Variants in NVL observed in about 807,000 individuals in gnomAD.
NVL encodes nuclear VCP like.
NVL carries 84 observed loss-of-function variants against 110.2 expected under a neutral mutation model. That is an observed-to-expected ratio of 0.76 (90% CI 0.64 to 0.91). The LOEUF (loss-of-function observed/expected upper bound fraction) is 0.91. Among genes scored for constraint, NVL ranks in the 40% least tolerant of loss-of-function variants. The pLI, the probability that NVL is intolerant of heterozygous loss-of-function variation, is 0.00. For missense variants in NVL, 882 were observed against 1,035.9 expected (o/e 0.85, Z 2.04); for synonymous variants, 354 against 361.1 (o/e 0.98, Z 0.22).
At chr1:224,317,662 G>T in intron 4 of NVL, 32 bp downstream of exon 4, 1 of 1,297,242 alleles carries the variant, frequency 7.7e-7, no homozygotes, top group Non-Finnish European at 1.1e-6. Flanking sequence ...AAAGTTCATG[G>T]TTTAAAAAAA....
intron 4 of NVL, among the ~76,000 whole-genome samples, chr1:224,317,435 T>C (rs981942936): frequency 1.3e-5 from 2 of 152,140 alleles, no homozygotes; most frequent in Non-Finnish European, 2.9e-5. Flanking sequence ...CAGTAACATT[T>C]CAACTGATTC....
chr1:224,267,673 C>T (rs937164371), intron 18 of NVL, among the ~76,000 whole-genome samples: 13 of 137,942 alleles, frequency 9.4e-5, no homozygotes, highest in Non-Finnish European at 1.7e-4. Flanking sequence ...GGTGACAGAG[C>T]GAGATTCTGT....
At chr1:224,227,765 G>A (rs1237086349) in intron 22 of NVL, 95 bp from the exon 23 acceptor site, 18 of 1,108,610 alleles carry the variant, frequency 1.6e-5, no homozygotes, top group East Asian at 7.7e-5. Flanking sequence ...GTCCGCACCC[G>A]CAGGACCTCA....
In NVL at chr1:224,254,700, C is replaced by A. The variant is rs181466911; in HGVS notation, c.2183-4382G>T. On this transcript the variant is annotated intron_variant, in intron 18 of 22. Transcript: ENST00000281701. ...AAAGTGGTGGGATTACAGGCGTGAG[C>A]CACTGTGCCTGGCCAACATGTGTTT... 1.6e-4 allele frequency among the ~76,000 whole-genome samples: 25 copies of A among 151,602 alleles called. No individual in the cohort carries two copies. The East Asian group carries it at 4.8e-3, about 29-fold the overall frequency.
intron 18 of NVL, among the ~76,000 whole-genome samples, chr1:224,251,461 A>G (rs920388785): frequency 1.3e-5 from 2 of 151,982 alleles, no homozygotes; most frequent in African/African-American, 4.8e-5. Context: ...AACATGGTGA[A>G]ACCCTGTGCC....
intron 16 of NVL, among the ~76,000 whole-genome samples, chr1:224,280,432 C>G (rs1666212135): frequency 6.6e-6 from 1 of 151,978 alleles, no homozygotes; most frequent in South Asian, 2.1e-4. Flanking sequence ...CCACCAATGC[C>G]CTCTGCTTCA....
intron 19 of NVL, among the ~76,000 whole-genome samples, chr1:224,248,481 C>G (rs757039376): frequency 2.0e-5 from 3 of 152,148 alleles, no homozygotes; most frequent in Non-Finnish European, 2.9e-5. Flanking sequence ...GCCCTGTTCT[C>G]CCTCCTCGGG....
chr1:224,246,033 C>CTT (rs36056911), intron 19 of NVL, among the ~76,000 whole-genome samples: 2 of 146,010 alleles, frequency 1.4e-5, no homozygotes, highest in African/African-American at 2.5e-5. Context: ...TGCCAGATGA[C>CTT]TTTTTTTTTT....
intron 13 of NVL, among the ~76,000 whole-genome samples, chr1:224,288,670 T>C (rs1054288211): frequency 2.0e-5 from 3 of 152,206 alleles, no homozygotes; most frequent in African/African-American, 7.2e-5. Flanking sequence ...AAGCCCCTGC[T>C]CTATAAAGTA....
chr1:224,298,925 A>G (rs1049434624), intron 10 of NVL, among the ~76,000 whole-genome samples: 2 of 152,202 alleles, frequency 1.3e-5, no homozygotes, highest in Admixed American at 6.5e-5. Flanking sequence ...TAAAATGGTA[A>G]ATTCTGTTAT....
chr1:224,296,550 T>C lies in NVL; in HGVS notation c.1131A>G (p.Ser377=). The C allele has an allele frequency of 4.3e-6, 7 of 1,609,776 alleles. No homozygotes were observed. Among genetic ancestry groups the C allele is most frequent in the Non-Finnish European group, 5.9e-6 (7 of 1,178,020 alleles). The change falls in exon 11 of 23, where the codon TCA becomes TCG. Residue 377 remains serine (S), a synonymous_variant. Coordinates refer to ENST00000281701, the MANE Select transcript of NVL (RefSeq NM_002533.4). The part of the protein sequence containing the change: ...DAITPKREVA[S]KDMERRIVAQ... ...CTACAATTCTTCGTTCCATATCTTT[T>C]GAAGCCACTTCTCTTTTGGGGGTAA...
At chr1:224,257,035 C>CT (rs573934358) in intron 18 of NVL, 148 of 524,034 alleles carry the variant, frequency 2.8e-4, no homozygotes, top group African/African-American at 6.8e-4. Context: ...AGACAGAATT[C>CT]TTTTTTTTTC....
chr1:224,305,345 A>G, intron 6 of NVL, 179 bp from the exon 7 acceptor site: 2 of 596,762 alleles, frequency 3.4e-6, no homozygotes, highest in Non-Finnish European at 5.7e-6. Flanking sequence ...CCTTCTCCTC[A>G]TTCCCTTAAA....
intron 20 of NVL, among the ~76,000 whole-genome samples, chr1:224,236,162 G>GA (rs1660449312): frequency 6.6e-6 from 1 of 152,194 alleles, no homozygotes; most frequent in African/African-American, 2.4e-5. Context: ...ATGTGGAGGT[G>GA]AAAATGCATC....
chr1:224,257,695 T>C (rs1663450823), intron 18 of NVL, among the ~76,000 whole-genome samples: 2 of 152,030 alleles, frequency 1.3e-5, no homozygotes, highest in African/African-American at 4.8e-5. Flanking sequence ...GCCCATTTAA[T>C]TTTGTTTTGT....
chr1:224,303,725 C>T lies in NVL; in HGVS notation c.958G>A (p.Gly320Arg), dbSNP rs546354933. The T allele has an allele frequency of 8.1e-6, 13 of 1,610,764 alleles. No individual in the cohort carries two copies. The African/African-American group carries it at 1.6e-4, about 20-fold the overall frequency. Residue 320 changes from glycine (G) to arginine (R), a missense_variant and splice_region_variant, in exon 9 of 23, where the codon GGG becomes AGG. Gly to Arg is a moderately radical substitution (Grantham distance 125, BLOSUM62 -2). Transcript: ENST00000281701. ...AAACAAATGTCAGCAAGCCTCACCC[C>T]AGCAATTGCATGTGCAAGTAATGTC... is the stretch of plus-strand genomic sequence containing the variant. Reference protein sequence around the residue: ...GKTLLAHAIAGELDLPILKVA... With the variant: ...GKTLLAHAIARELDLPILKVA...
chr1:224,227,538 G>C lies in NVL; in HGVS notation c.*88C>G. 1 of 1,185,614 alleles carries C rather than the reference G, an allele frequency of 8.4e-7. No homozygotes were observed. The highest frequency in any genetic ancestry group is 1.5e-5 in the South Asian group (1 of 68,662). The allele number at this position is 1,185,614 out of a possible 1,614,324, so 73.4% of individuals were successfully genotyped here. On this transcript the variant is annotated 3_prime_UTR_variant, in exon 23 of 23. Transcript: ENST00000281701. ...AATGTTTACATGAGGCCGCGCCTGTGTCCAGCTGAAAGTGGGTCCTTCAGA... is the reference window on the plus strand; with the variant it reads ...AATGTTTACATGAGGCCGCGCCTGTCTCCAGCTGAAAGTGGGTCCTTCAGA...
At chr1:224,317,998 A>T in intron 2 of NVL, 68 bp from the exon 3 acceptor site, 4 of 1,031,976 alleles carry the variant, frequency 3.9e-6, no homozygotes, top group Non-Finnish European at 5.8e-6. Context: ...AGTTCAATCT[A>T]AATGGATCAA....
chr1:224,302,835 A>G, intron 9 of NVL: 1 of 212,094 alleles, frequency 4.7e-6, no homozygotes, highest in Admixed American at 5.9e-5. Context: ...GGACTGCTTG[A>G]GGCCAGGAGT....
Sources: gnomAD v4.1 joint callset for allele counts (sites outside exome capture counted in the v4.1 genomes callset) on GRCh38, gnomAD v4.1.1 for gene constraint, MANE v1.5 for transcripts, NCBI Gene and HGNC (gene_info 2026-07-23, HGNC 2026-07-21) for gene names.